The following EMG1 variants were observed in gnomAD, a reference collection of about 807,000 sequenced individuals.
EMG1 encodes EMG1 N1-specific pseudouridine methyltransferase.
A neutral mutation model predicts 26.9 loss-of-function variants in EMG1; 24 were observed. That is an observed-to-expected ratio of 0.89 (90% CI 0.65 to 1.26). EMG1 has a LOEUF of 1.26. EMG1 is among the 50% of genes most tolerant of loss of function. EMG1 has a pLI of 0.00. For synonymous variants in EMG1, 140 were observed against 112.6 expected (o/e 1.24, Z -1.54); for missense variants, 299 against 307.6 (o/e 0.97, Z 0.21).
At chr12:6,994,792 G>A (rs1239050372) in intron 7 of EMG1, among the ~76,000 whole-genome samples, 1 of 152,214 alleles carries the variant, frequency 6.6e-6, no homozygotes, top group African/African-American at 2.4e-5. Context: ...CTTCTGGCAT[G>A]GGTTGGCTGA....
rs1946392729 is a variant in EMG1 at position 6,975,851 on chromosome 12, ACAT to A, written c.*44_*46del. 1.7e-6 allele frequency: 2 copies of A among 1,144,010 alleles called. No individual in the cohort carries two copies. The highest frequency in any genetic ancestry group is 1.7e-5 in the Admixed American group (1 of 59,188). The allele number at this position is 1,144,010 out of a possible 1,614,324, so 70.9% of individuals were successfully genotyped here. ...TCTGAAACCAGAAACTGTTGATGTC[ACAT>A]CCTTTGACCCTGGTCTGAGCTGACT... On this transcript the variant is annotated 3_prime_UTR_variant, in exon 6 of 6. Coordinates refer to ENST00000599672, the MANE Select transcript of EMG1 (RefSeq NM_006331.8).
At chr12:6,993,666 T>G (rs186466078) in intron 7 of EMG1, among the ~76,000 whole-genome samples, 23 of 152,222 alleles carry the variant, frequency 1.5e-4, no homozygotes, top group Admixed American at 1.2e-3. Context: ...CTGGCTTATT[T>G]CACTTAGCAT....
chr12:6,975,064 T>G (rs782026659), intron 3 of EMG1, 26 bp from the exon 4 acceptor site: 24 of 1,612,470 alleles, frequency 1.5e-5, no homozygotes, highest in Middle Eastern at 3.3e-4. Context: ...TCCATCTAGC[T>G]CTGAACTCTT....
chr12:6,991,394 A>G (rs908735550), downstream of EMG1, among the ~76,000 whole-genome samples: 3 of 152,260 alleles, frequency 2.0e-5, no homozygotes, highest in Admixed American at 6.5e-5. Context: ...TTTACCATGC[A>G]TGACTTTGTA....
At chr12:6,988,167 G>C (rs1946547021) in intron 7 of EMG1, 1 of 202,638 alleles carries the variant, frequency 4.9e-6, no homozygotes, top group African/African-American at 2.3e-5. Flanking sequence ...CTTGTTTTCA[G>C]GTGCGTTTTG....
chr12:6,978,355 G>GAGC lies in EMG1; in HGVS notation c.*2546_*2547insAGC, dbSNP rs1565596636. 1.2e-6 allele frequency: 2 copies of GAGC among 1,611,090 alleles called. No homozygotes were observed. The highest frequency in any genetic ancestry group is 1.7e-6 in the Non-Finnish European group (2 of 1,178,344). On this transcript the variant is annotated 3_prime_UTR_variant, in exon 6 of 6. Coordinates refer to ENST00000599672, the MANE Select transcript of EMG1 (RefSeq NM_006331.8). ...CAGCAGCTCACCGGGCCACCCAGGC[G>GAGC]TTGGTGTTGATGTTGAATGAGGCAA...
Position 6,978,190 on chromosome 12 carries a change from T to C in EMG1, c.*2381T>C. On this transcript the variant is annotated 3_prime_UTR_variant, in exon 6 of 6. Coordinates refer to ENST00000599672, the MANE Select transcript of EMG1 (RefSeq NM_006331.8). The stretch of plus-strand genomic sequence containing the variant: ...AGTAATGGTTTTTTTGGGAGGGGGG[T>C]ATAGGTGGGGGTCAAAGTCAGTGTG... The C allele has an allele frequency of 1.3e-6, 1 of 769,430 alleles. No individual in the cohort carries two copies. Among genetic ancestry groups the C allele is most frequent in the Non-Finnish European group, 2.0e-6 (1 of 508,232 alleles). The allele number at this position is 769,430 out of a possible 1,614,324, so 47.7% of individuals were successfully genotyped here.
At position 6,997,377 on chromosome 12, in the gene EMG1, TTATG is replaced by T. The variant is rs1407994307; in HGVS notation, c.*366_*369del. The stretch of plus-strand genomic sequence containing the variant: ...GCCATGCCCCCAAAACAACAGCAAA[TTATG>T]TGTGTGTGTGTGTGTGTGTGTGTGT... On this transcript the variant is annotated 3_prime_UTR_variant and NMD_transcript_variant, in exon 8 of 8. Transcript: ENST00000607161. The T allele has an allele frequency of 2.1e-3, 191 of 91,716 alleles. No individual in the cohort carries two copies. In the South Asian group the frequency reaches 0.042, roughly 20 times the overall value. 5.7% of individuals were successfully genotyped at this position (91,716 alleles called of 1,614,324 possible).
chr12:6,974,307 G>A (rs1555152662), intron 1 of EMG1, 32 bp from the exon 2 acceptor site: 1 of 1,503,588 alleles, frequency 6.7e-7, no homozygotes. Flanking sequence ...AGAAGCTTAT[G>A]CTGTTCTCTC....
In EMG1 at chr12:6,976,603, T is replaced by C. The variant is rs1946404668; in HGVS notation, c.*794T>C. 6.7e-6 allele frequency: 1 copy of C among 148,786 alleles called. No individual in the cohort carries two copies. The highest frequency in any genetic ancestry group is 2.4e-5 in the African/African-American group (1 of 41,128). 9.2% of individuals were successfully genotyped at this position (148,786 alleles called of 1,614,324 possible). ...AGCTGGGCATGGTGGCGTGCCTGTA[T>C]TCCCAGCTACTTGGGAGGCTGAGGC... On this transcript the variant is annotated 3_prime_UTR_variant, in exon 6 of 6. Coordinates refer to ENST00000599672, the MANE Select transcript of EMG1 (RefSeq NM_006331.8).
chr12:6,990,365 C>T (rs907482348), downstream of EMG1, among the ~76,000 whole-genome samples: 9 of 147,378 alleles, frequency 6.1e-5, no homozygotes, highest in East Asian at 2.1e-4. Context: ...AAAAATTAGC[C>T]GGGTGTGGTG....
chr12:6,971,323 G>C (rs1280930634), intron 1 of EMG1, among the ~76,000 whole-genome samples: 1 of 150,452 alleles, frequency 6.6e-6, no homozygotes, highest in Non-Finnish European at 1.5e-5. Context: ...GCCCAGGCTG[G>C]AGTGCAGTTG....
At position 6,977,273 on chromosome 12, in the gene EMG1, A is replaced by C. The variant is rs782623914; in HGVS notation, c.*1464A>C. 1.2e-6 allele frequency: 2 copies of C among 1,611,192 alleles called. No homozygotes were observed. Among genetic ancestry groups the C allele is most frequent in the South Asian group, 2.2e-5 (2 of 91,016 alleles). The stretch of plus-strand genomic sequence containing the variant: ...GATGGATTTATACACCTGTGGAGAG[A>C]GAGGCCACTAAGGTAGACAGGCCTG... On this transcript the variant is annotated 3_prime_UTR_variant, in exon 6 of 6. Coordinates refer to ENST00000599672, the MANE Select transcript of EMG1 (RefSeq NM_006331.8). The surrounding 1 kb of genome is among the most constrained non-coding windows in gnomAD (Gnocchi z 4.5).
chr12:6,977,955 C>T lies in EMG1; in HGVS notation c.*2146C>T. The T allele has an allele frequency of 1.7e-6, 1 of 597,368 alleles. No homozygotes were observed. Among genetic ancestry groups the T allele is most frequent in the Non-Finnish European group, 2.9e-6 (1 of 341,664 alleles). 37.0% of individuals were successfully genotyped at this position (597,368 alleles called of 1,614,324 possible). On this transcript the variant is annotated 3_prime_UTR_variant, in exon 6 of 6. Transcript: ENST00000599672. This position sits in a 1 kb window ranked among gnomAD's most constrained non-coding sequence, Gnocchi z 4.5. The stretch of plus-strand genomic sequence containing the variant: ...GAGCTGGAGACCGTGTGCGCACGAG[C>T]CACTTGGTTCAGCAGCAGTGACTGA...
rs782279915 is a variant in EMG1 at position 6,978,772 on chromosome 12, G to C, written c.*2963G>C. The C allele has an allele frequency of 7.5e-5, 118 of 1,566,836 alleles. No individual in the cohort carries two copies. The highest frequency in any genetic ancestry group is 9.8e-5 in the Non-Finnish European group (113 of 1,154,930). ...AGCACTCTTCCTTTTCACACTTGTG[G>C]CTGGCTACTTCATACCTGCCTGAGT... is the stretch of plus-strand genomic sequence containing the variant. On this transcript the variant is annotated 3_prime_UTR_variant, in exon 6 of 6. Transcript: ENST00000599672.
chr12:6,993,960 G>T (rs1946612021), intron 7 of EMG1, among the ~76,000 whole-genome samples: 1 of 152,036 alleles, frequency 6.6e-6, no homozygotes, highest in Non-Finnish European at 1.5e-5. Context: ...CAAACAACTG[G>T]GTTGTTTCCA....
intron 7 of EMG1, among the ~76,000 whole-genome samples, chr12:6,995,835 G>A (rs189433038): frequency 2.0e-4 from 30 of 152,090 alleles, no homozygotes; most frequent in Middle Eastern, 3.4e-3. Flanking sequence ...ACTTCTCTCC[G>A]CCTCTACTGC....
chr12:6,984,437 C>T (rs931383813), downstream of EMG1, among the ~76,000 whole-genome samples: 14 of 152,322 alleles, frequency 9.2e-5, no homozygotes, highest in Admixed American at 4.6e-4. Context: ...AGAGGTCTGG[C>T]GGCCATGCCT....
In EMG1 at chr12:6,979,526, T is replaced by C; in HGVS notation, c.*3717T>C. On this transcript the variant is annotated 3_prime_UTR_variant, in exon 6 of 6. Transcript: ENST00000599672. ...TGTGATGTGGGGGCTGAGCAGTGTG[T>C]AGCCCACTAGGTAGAAAAGGCCCAG... is the stretch of plus-strand genomic sequence containing the variant. 1 of 1,614,156 alleles carries C rather than the reference T, an allele frequency of 6.2e-7. No homozygotes were observed. Among genetic ancestry groups the C allele is most frequent in the Non-Finnish European group, 8.5e-7 (1 of 1,179,998 alleles).
Sources: allele counts gnomAD v4.1 joint callset (sites outside exome capture counted in the v4.1 genomes callset), GRCh38; gene constraint gnomAD v4.1.1; non-coding constraint Gnocchi (gnomAD v3.1); transcripts MANE v1.5; gene names NCBI Gene and HGNC (gene_info 2026-07-23, HGNC 2026-07-21).